TBL1Y: variants seen among roughly 807,000 people sequenced by gnomAD.
The protein encoded by TBL1Y is transducin beta like 1 Y-linked, also known as F-box-like/WD repeat-containing protein TBL1Y.
Under a neutral mutation model 12.0 loss-of-function variants are expected in TBL1Y, and 15 were observed. The ratio of observed to expected loss-of-function variants is 1.25; its 90% CI spans 0.83 to 1.92. The LOEUF is 1.92. TBL1Y is among the 40% of genes most tolerant of loss of function. The probability of loss-of-function intolerance (pLI) is 0.00; values close to 1 mark genes in which losing one functional copy is unlikely to be tolerated. For missense variants in TBL1Y, 148 were observed against 116.7 expected, an observed-to-expected ratio of 1.27 and a Z score of -1.24; for synonymous variants, 53 against 42.6, an observed-to-expected ratio of 1.24 and a Z score of -0.95.
At chrY:6,973,263 C>A in intron 2 of TBL1Y, among the ~76,000 whole-genome samples, 1 of 32,879 alleles carries the variant, frequency 3.0e-5, no homozygotes, top group East Asian at 8.1e-4. Context: ...TTCCCCCATT[C>A]CGTCCCCTCA....
chrY:6,950,250 C>T (rs768983), intron 2 of TBL1Y, among the ~76,000 whole-genome samples: 5,215 of 33,172 alleles, frequency 0.16, no homozygotes, highest in African/African-American at 0.6. Flanking sequence ...ACTGTGAGTA[C>T]GCTCCACCAA....
intron 2 of TBL1Y, among the ~76,000 whole-genome samples, chrY:6,929,123 C>T (rs2011845352): frequency 3.0e-5 from 1 of 32,999 alleles, no homozygotes; most frequent in African/African-American, 1.2e-4. Flanking sequence ...GACTCCACCC[C>T]GAACTGGCAG....
chrY:7,089,600 G>A, intron 17 of TBL1Y, among the ~76,000 whole-genome samples: 1 of 33,504 alleles, frequency 3.0e-5, no homozygotes, highest in Non-Finnish European at 7.4e-5. Flanking sequence ...AGACCAGCCT[G>A]ACCAACGTGG....
chrY:7,042,825 C>A, intron 6 of TBL1Y, 155 bp from the exon 7 acceptor site: 9 of 222,379 alleles, frequency 4.0e-5, no homozygotes, highest in African/African-American at 8.4e-5. Flanking sequence ...CTTACTGAGC[C>A]CAAATCAGAA....
intron 2 of TBL1Y, among the ~76,000 whole-genome samples, chrY:6,947,802 A>T: frequency 2.9e-5 from 1 of 34,228 alleles, no homozygotes; most frequent in African/African-American, 1.1e-4. Flanking sequence ...ATTTAATAAC[A>T]CTCAAGGAAT....
intron 2 of TBL1Y, among the ~76,000 whole-genome samples, chrY:6,949,274 G>C (rs2012008055): frequency 3.0e-5 from 1 of 33,337 alleles, no homozygotes; most frequent in African/African-American, 1.2e-4. Flanking sequence ...AAATTAAATG[G>C]ATCCACTGCA....
At chrY:7,083,175 C>G in intron 14 of TBL1Y, among the ~76,000 whole-genome samples, 1 of 33,865 alleles carries the variant, frequency 3.0e-5, no homozygotes, top group African/African-American at 1.2e-4. Flanking sequence ...GGGACTTGAC[C>G]CTTTAAGTGG....
intron 2 of TBL1Y, among the ~76,000 whole-genome samples, chrY:6,921,326 C>T: frequency 3.0e-5 from 1 of 33,086 alleles, no homozygotes; most frequent in Admixed American, 2.8e-4. Flanking sequence ...GCAGCAGGTG[C>T]AGATGTGAGT....
chrY:6,980,793 C>A lies in TBL1Y; in HGVS notation c.-235+2550C>A. ...CCTGAGAGTTGGTGCTGAAGGCAGA[C>A]CTGATTTTTCTGTTTTTAAAGCATT... On this transcript the variant is annotated intron_variant, in intron 3 of 18. Coordinates refer to ENST00000383032, the MANE Select transcript of TBL1Y (RefSeq NM_033284.2). 8.9e-5 allele frequency among the ~76,000 whole-genome samples: 3 copies of A among 33,639 alleles called. No homozygotes were observed. In the South Asian group the frequency reaches 2.0e-3, roughly 22 times the overall value. 90.3% of individuals were successfully genotyped at this position (33,639 alleles called of 37,273 possible).
chrY:6,914,932 T>C (rs2011724962), intron 2 of TBL1Y, among the ~76,000 whole-genome samples: 1 of 33,267 alleles, frequency 3.0e-5, no homozygotes, highest in African/African-American at 1.2e-4. Flanking sequence ...GGTGGTTTGG[T>C]CCAATTTTGA....
intron 2 of TBL1Y, among the ~76,000 whole-genome samples, chrY:6,953,183 T>C (rs780176301): frequency 3.0e-5 from 1 of 33,085 alleles, no homozygotes; most frequent in South Asian, 6.9e-4. Flanking sequence ...AGGAGTATCT[T>C]TGTGGCATTC....
At chrY:6,942,033 TA>T (rs2124104898) in intron 2 of TBL1Y, among the ~76,000 whole-genome samples, 1 of 32,698 alleles carries the variant, frequency 3.1e-5, no homozygotes, top group South Asian at 7.2e-4. Flanking sequence ...TGTGCGCCTG[TA>T]ATCTCAGCTA....
At chrY:7,066,353 GTTA>G (rs2124180417) in intron 8 of TBL1Y, among the ~76,000 whole-genome samples, 1 of 33,489 alleles carries the variant, frequency 3.0e-5, no homozygotes, top group South Asian at 6.8e-4. Context: ...TGTTTTTGTT[GTTA>G]TTGTTGTTGT....
chrY:7,063,089 C>T (rs892853291), intron 7 of TBL1Y, among the ~76,000 whole-genome samples: 3 of 32,918 alleles, frequency 9.1e-5, no homozygotes, highest in Non-Finnish European at 1.5e-4. Context: ...GATTTTTCAC[C>T]CCTGAGACCG....
At chrY:7,056,940 G>GCCAGCCTTATATATGGAT (rs2012826657) in intron 7 of TBL1Y, among the ~76,000 whole-genome samples, 3 of 33,753 alleles carry the variant, frequency 8.9e-5, no homozygotes, top group Non-Finnish European at 2.2e-4. Context: ...AGGGGAAGGG[G>GCCAGCCTTATATATGGAT]GTTTTATCCC....
intron 10 of TBL1Y, among the ~76,000 whole-genome samples, chrY:7,071,320 G>A (rs2013030967): frequency 3.0e-5 from 1 of 33,303 alleles, no homozygotes; most frequent in Non-Finnish European, 7.4e-5. Flanking sequence ...TTTTAGTTCC[G>A]TCACTCATTA....
chrY:6,985,504 A>G (rs2012310264), intron 3 of TBL1Y, among the ~76,000 whole-genome samples: 19 of 32,729 alleles, frequency 5.8e-4, no homozygotes, highest in Admixed American at 2.2e-3. Flanking sequence ...TATGTGGTGC[A>G]ATGTCAGGAG....
intron 3 of TBL1Y, among the ~76,000 whole-genome samples, chrY:6,984,463 G>T: frequency 3.0e-5 from 1 of 33,474 alleles, no homozygotes; most frequent in Non-Finnish European, 7.4e-5. Flanking sequence ...TCTGCAGTCT[G>T]CAGGGCCGTC....
intron 2 of TBL1Y, among the ~76,000 whole-genome samples, chrY:6,962,555 A>G (rs2124117478): frequency 2.9e-5 from 1 of 33,939 alleles, no homozygotes; most frequent in African/African-American, 1.1e-4. Context: ...ACAGCAGCCA[A>G]TTCTGCTCTT....
Sources: gnomAD v4.1 joint callset for allele counts (sites outside exome capture counted in the v4.1 genomes callset) on GRCh38, gnomAD v4.1.1 for gene constraint, MANE v1.5 for transcripts, NCBI Gene and HGNC (gene_info 2026-07-23, HGNC 2026-07-21) for gene names.